Variants in CCNB1IP1 observed in about 807,000 individuals in gnomAD.
CCNB1IP1 encodes the protein cyclin B1 interacting protein 1, also known as E3 ubiquitin-protein ligase CCNB1IP1.
In CCNB1IP1, 14 loss-of-function variants were observed where a neutral mutation model predicts 25.6. The ratio of observed to expected loss-of-function variants is 0.55; its 90% CI spans 0.36 to 0.85. The LOEUF is 0.85. Among genes scored for constraint, CCNB1IP1 ranks in the 40% least tolerant of loss-of-function variants. The pLI is 0.01. For synonymous variants in CCNB1IP1, 119 were observed against 116.1 expected (o/e 1.02, Z -0.16); for missense variants, 278 against 342.4 (o/e 0.81, Z 1.48).
intron 2 of CCNB1IP1, among the ~76,000 whole-genome samples, chr14:20,328,343 G>A (rs904541530): frequency 2.0e-5 from 3 of 152,218 alleles, no homozygotes; most frequent in African/African-American, 7.2e-5. Flanking sequence ...TGCTAGCTCA[G>A]TAGGTTGGAA....
intron 4 of CCNB1IP1, among the ~76,000 whole-genome samples, chr14:20,317,238 C>T (rs1882733686): frequency 6.6e-6 from 1 of 151,844 alleles, no homozygotes. Flanking sequence ...AATCCCATCT[C>T]TACTAAAAAT....
intron 3 of CCNB1IP1, chr14:20,326,353 A>C: frequency 2.6e-6 from 1 of 380,478 alleles, no homozygotes; most frequent in South Asian, 2.0e-5. Flanking sequence ...CAAATTCATA[A>C]TTTATTAAGA....
chr14:20,325,229 G>A (rs1042458253), intron 4 of CCNB1IP1, among the ~76,000 whole-genome samples: 54 of 150,922 alleles, frequency 3.6e-4, no homozygotes, highest in African/African-American at 9.2e-4. Flanking sequence ...AGACCATCCC[G>A]GCTAAAACGG....
chr14:20,321,577 G>A (rs571511349), intron 4 of CCNB1IP1, among the ~76,000 whole-genome samples: 4 of 151,880 alleles, frequency 2.6e-5, no homozygotes, highest in Admixed American at 6.6e-5. Flanking sequence ...TCAGCCTCCC[G>A]CATAGCTGGG....
At position 20,316,515 on chromosome 14, in the gene CCNB1IP1, C is replaced by G. The variant is rs1430551521; in HGVS notation, c.9G>C (p.Leu3Phe). 2.5e-6 allele frequency: 4 copies of G among 1,605,978 alleles called. No homozygotes were observed. The highest frequency in any genetic ancestry group is 3.4e-6 in the Non-Finnish European group (4 of 1,179,408). ...AATTACAAAGCAGCATGTCTTCACA[C>G]AAAGACATAATAGGATAGTGAGGTC... MS[L>F]CEDMLLCNYR... is the part of the protein sequence containing the mutation. Residue 3 changes from leucine to phenylalanine, a missense_variant, in exon 5 of 7, where the codon TTG becomes TTC. Physicochemically the swap from Leu to Phe is conservative, Grantham distance 22. Coordinates refer to ENST00000358932, the MANE Select transcript of CCNB1IP1 (RefSeq NM_021178.5).
In CCNB1IP1 at chr14:20,311,485, A is replaced by G; in HGVS notation, c.*65T>C. ...CTAAAGCCTCAGACTCCTGGGCTCA[A>G]GTGATCCTCCCAGCCTCAACCTCCT... On this transcript the variant is annotated 3_prime_UTR_variant, in exon 7 of 7. Transcript: ENST00000358932. The G allele has an allele frequency of 7.1e-7, 1 of 1,416,534 alleles. No homozygotes were observed. Among genetic ancestry groups the G allele is most frequent in the Non-Finnish European group, 1.0e-6 (1 of 1,003,846 alleles). The allele number at this position is 1,416,534 out of a possible 1,614,324, so 87.7% of individuals were successfully genotyped here. A position where few individuals can be genotyped will look rare whatever the true frequency, so the allele number is the denominator to read the frequency against.
At chr14:20,311,972 A>G (rs1033800307) in intron 6 of CCNB1IP1, among the ~76,000 whole-genome samples, 3 of 152,238 alleles carry the variant, frequency 2.0e-5, no homozygotes, top group Non-Finnish European at 2.9e-5. Flanking sequence ...AAATATTGGC[A>G]TATACCATGA....
chr14:20,328,362 A>G (rs1046046295), intron 2 of CCNB1IP1, among the ~76,000 whole-genome samples: 7 of 152,200 alleles, frequency 4.6e-5, no homozygotes, highest in African/African-American at 1.7e-4. Flanking sequence ...AAAGAAACTG[A>G]AGCATTTTAA....
In CCNB1IP1 at chr14:20,311,538, AC is replaced by A; in HGVS notation, c.*11del. On this transcript the variant is annotated 3_prime_UTR_variant, in exon 7 of 7. Transcript: ENST00000358932. ...GTAGCTGGGATCACAGGTGCGTGACACTATGCGTGGCTCAAATTCTTTTTAC... is the reference window on the plus strand; with the variant it reads ...GTAGCTGGGATCACAGGTGCGTGACATATGCGTGGCTCAAATTCTTTTTAC... 1 of 1,610,208 alleles carries A rather than the reference AC, an allele frequency of 6.2e-7. No homozygotes were observed. Among genetic ancestry groups the A allele is most frequent in the East Asian group, 2.2e-5 (1 of 44,844 alleles).
rs927884457 is a variant in CCNB1IP1 at position 20,325,196 on chromosome 14, C to T, written c.-38+343G>A. 5.3e-5 allele frequency among the ~76,000 whole-genome samples: 8 copies of T among 150,622 alleles called. No homozygotes were observed. The South Asian group carries it at 1.7e-3, about 31-fold the overall frequency. The stretch of plus-strand genomic sequence containing the variant: ...CAGCACTTTGGGAGGCCGAGGCGGG[C>T]GGATCACGAGGTCAGGAGATCGAGA... On this transcript the variant is annotated intron_variant, in intron 4 of 6. Coordinates refer to ENST00000358932, the MANE Select transcript of CCNB1IP1 (RefSeq NM_021178.5).
Position 20,311,993 on chromosome 14 carries a change from A to G in CCNB1IP1, c.632-241T>C, listed in dbSNP as rs536127368. ...TGGCATATACCATGACCCAATATCA[A>G]TTAGCATAGGCTTAAGACAAGCAGA... is the stretch of plus-strand genomic sequence containing the variant. On this transcript the variant is annotated intron_variant, in intron 6 of 6. Coordinates refer to ENST00000358932, the MANE Select transcript of CCNB1IP1 (RefSeq NM_021178.5). 2.6e-5 allele frequency among the ~76,000 whole-genome samples: 4 copies of G among 152,338 alleles called. No individual in the cohort carries two copies. In the South Asian group the frequency reaches 8.3e-4, roughly 32 times the overall value.
At chr14:20,332,804 C>T (rs1883291814) in intron 1 of CCNB1IP1, 1 of 152,252 alleles carries the variant, frequency 6.6e-6, no homozygotes, top group East Asian at 1.9e-4. Flanking sequence ...GCTGCAGCTT[C>T]CACAAACCCA....
Position 20,313,739 on chromosome 14 carries a change from C to T in CCNB1IP1, c.360G>A (p.Gln120=), listed in dbSNP as rs770445800. The T allele has an allele frequency of 1.2e-6, 2 of 1,612,780 alleles. No individual in the cohort carries two copies. The highest frequency in any genetic ancestry group is 1.7e-6 in the Non-Finnish European group (2 of 1,179,450). ...TTTGCTGAGTATATATCTTCTCCAT[C>T]TGTTTCAGATGGCCCTCAGCCTTGC... ...NFSKAEGHLK[Q]MEKIYTQQIQ... The change falls in exon 6 of 7, where the codon CAG becomes CAA. Residue 120 remains glutamine, a synonymous_variant. Coordinates refer to ENST00000358932, the MANE Select transcript of CCNB1IP1 (RefSeq NM_021178.5).
At chr14:20,330,252 T>TGGGAGCTAAATCTTGCGTA (rs1469003900) in intron 1 of CCNB1IP1, among the ~76,000 whole-genome samples, 1 of 152,048 alleles carries the variant, frequency 6.6e-6, no homozygotes, top group African/African-American at 2.4e-5. Context: ...AATCTTGCGT[T>TGGGAGCTAAATCTTGCGTA]GGGAGCTAAA....
intron 4 of CCNB1IP1, 79 bp from the exon 5 acceptor site, chr14:20,316,639 G>A: frequency 1.4e-6 from 1 of 707,134 alleles, no homozygotes; most frequent in Non-Finnish European, 2.3e-6. Context: ...TAACATGCAC[G>A]TTTTTATCAT....
intron 3 of CCNB1IP1, among the ~76,000 whole-genome samples, chr14:20,326,119 ACT>A (rs1341422046): frequency 6.6e-6 from 1 of 152,106 alleles, no homozygotes; most frequent in African/African-American, 2.4e-5. Context: ...GATTTAACCA[ACT>A]CTGTGTTTCC....
At position 20,325,606 on chromosome 14, in the gene CCNB1IP1, T is replaced by G. The variant is rs1240377431; in HGVS notation, c.-105A>C. 1 of 152,142 alleles carries G rather than the reference T, an allele frequency of 6.6e-6. No homozygotes were observed. Among genetic ancestry groups the G allele is most frequent in the Non-Finnish European group, 1.5e-5 (1 of 68,026 alleles). 9.4% of individuals were successfully genotyped at this position (152,142 alleles called of 1,614,324 possible). Reference sequence around the variant, plus strand: ...TTTACAGCACCAAAGAGGTCCAGACTGGAACAGCGAAACTCAGATCTGGTT... The same window carrying G: ...TTTACAGCACCAAAGAGGTCCAGACGGGAACAGCGAAACTCAGATCTGGTT... On this transcript the variant is annotated 5_prime_UTR_variant, in exon 4 of 7. Transcript: ENST00000358932.
intron 4 of CCNB1IP1, chr14:20,318,158 C>G (rs7156217): frequency 6.6e-6 from 1 of 152,208 alleles, no homozygotes; most frequent in Non-Finnish European, 1.5e-5. Flanking sequence ...GCATTACAAA[C>G]ATGCATTACA....
At chr14:20,315,482 T>C (rs773325960) in intron 5 of CCNB1IP1, 7 of 1,125,318 alleles carry the variant, frequency 6.2e-6, no homozygotes, top group Non-Finnish European at 7.7e-6. Flanking sequence ...AGAAACAACT[T>C]ACCCAGAAAA....
Sources: allele counts gnomAD v4.1 joint callset (sites outside exome capture counted in the v4.1 genomes callset), GRCh38; gene constraint gnomAD v4.1.1; transcripts MANE v1.5; gene names NCBI Gene and HGNC (gene_info 2026-07-23, HGNC 2026-07-21).